CASD1: variants seen among roughly 807,000 people sequenced by gnomAD.
The protein encoded by CASD1 is CAS1 domain sialic acid O acetyltransferase 1, also known as N-acetylneuraminate (7)9-O-acetyltransferase.
In CASD1, 41 loss-of-function variants were observed where a neutral mutation model predicts 100.0. That is an observed-to-expected ratio of 0.41 (90% confidence interval 0.32 to 0.53). The LOEUF is 0.53. CASD1 is among the 20% of genes least tolerant of loss of function. The pLI, the probability that CASD1 is intolerant of heterozygous loss-of-function variation, is 0.25. For missense variants in CASD1, 774 were observed against 948.7 expected (o/e 0.82, Z 2.42); for synonymous variants, 321 against 315.6 (o/e 1.02, Z -0.18).
chr7:94,528,175 A>G lies in CASD1; in HGVS notation c.397-13A>G. ...CTTCAACTTTTTCTTTACTTCTAAC[A>G]TTTCTCTTTTAGGATTTTCTGTGGC... On this transcript the variant is annotated splice_polypyrimidine_tract_variant and intron_variant, in intron 4 of 17. Coordinates refer to ENST00000297273, the MANE Select transcript of CASD1 (RefSeq NM_022900.5). The G allele has an allele frequency of 6.3e-7, 1 of 1,581,268 alleles. No individual in the cohort carries two copies. Among genetic ancestry groups the G allele is most frequent in the Non-Finnish European group, 8.6e-7 (1 of 1,157,314 alleles).
At position 94,533,212 on chromosome 7, in the gene CASD1, T is replaced by C. The variant is rs1219336811; in HGVS notation, c.467T>C (p.Ile156Thr). ...AGATTTGTCTTCCTTTAGGATTCCATTGCAAAGCCACATGTGATTGTAGCA... is the reference window on the plus strand; with the variant it reads ...AGATTTGTCTTCCTTTAGGATTCCACTGCAAAGCCACATGTGATTGTAGCA... ...QCIKVWTEDS[I>T]AKPHVIVAGA... is the part of the protein sequence containing the mutation. Residue 156 changes from isoleucine (I) to threonine (T), a missense_variant, in exon 6 of 18, where the codon ATT becomes ACT. Ile to Thr is a moderately conservative substitution (Grantham distance 89, BLOSUM62 -1). Coordinates refer to ENST00000297273, the MANE Select transcript of CASD1 (RefSeq NM_022900.5). 1.2e-6 allele frequency: 2 copies of C among 1,608,232 alleles called. No homozygotes were observed. The highest frequency in any genetic ancestry group is 3.3e-5 in the Admixed American group (2 of 59,838).
chr7:94,539,668 C>CAAA lies in CASD1; in HGVS notation c.1356+626_1356+628dup, dbSNP rs71120400. Among the ~76,000 whole-genome samples the CAAA allele has an allele frequency of 1.4e-4, 17 of 119,664 alleles. 2 individuals carry two copies. The South Asian group carries it at 1.4e-3, about 10-fold the overall frequency. The allele number at this position is 119,664 out of a possible 152,430, so 78.5% of individuals were successfully genotyped here. A position where few individuals can be genotyped will look rare whatever the true frequency, so the allele number is the denominator to read the frequency against. On this transcript the variant is annotated intron_variant, in intron 10 of 17. Coordinates refer to ENST00000297273, the MANE Select transcript of CASD1 (RefSeq NM_022900.5). ...TGGGTTGCAGAGTGAGACTCCGTCTCAAAAAAAAAAAAAAAAGAAAAAAGG... is the reference window on the plus strand; with the variant it reads ...TGGGTTGCAGAGTGAGACTCCGTCTCAAAAAAAAAAAAAAAAAAAGAAAAAAGG...
chr7:94,628,297 C>T, the CASD1 span: 1 of 1,611,812 alleles, frequency 6.2e-7, no homozygotes, highest in Non-Finnish European at 8.5e-7. Flanking sequence ...CGAAGCCATC[C>T]AGGTCGGTCT....
At chr7:94,603,244 C>T in the CASD1 span, 1 of 1,493,318 alleles carries the variant, frequency 6.7e-7, no homozygotes, top group Admixed American at 1.7e-5. Context: ...TTAACTCCAG[C>T]CACATTATTT....
chr7:94,551,257 T>C (rs1399961369), intron 14 of CASD1, 81 bp from the exon 15 acceptor site: 2 of 1,141,718 alleles, frequency 1.8e-6, no homozygotes, highest in Non-Finnish European at 2.4e-6. Flanking sequence ...CTTTTATTCA[T>C]ATATTCCTCA....
At chr7:94,537,950 T>C in intron 9 of CASD1, 56 bp downstream of exon 9, 2 of 951,000 alleles carry the variant, frequency 2.1e-6, no homozygotes, top group East Asian at 4.9e-5. Context: ...TTACATACTC[T>C]GTGTTAAAGA....
the CASD1 span, among the ~76,000 whole-genome samples, chr7:94,572,134 TTA>T: frequency 6.6e-6 from 1 of 152,164 alleles, no homozygotes; most frequent in Non-Finnish European, 1.5e-5. Flanking sequence ...AAGCTGATGA[TTA>T]TGTGTCTCAG....
chr7:94,537,542 C>T lies in CASD1; in HGVS notation c.914C>T (p.Pro305Leu). The change falls in exon 9 of 18, where the codon CCT (proline) becomes CTT (leucine). Residue 305 changes from proline (P) to leucine (L), a missense_variant. This residue lies in a region of CASD1 where 453 missense variants were observed against 532.6 expected (regional missense o/e 0.85). Transcript: ENST00000297273. The part of the protein sequence containing the change: ...LKPVDGSCCQ[P>L]RPPVTLIQKL... ...CCTGTAGATGGGTCCTGTTGTCAAC[C>T]TCGGCCTCCTGTTACTCTCATACAG... 2 of 1,613,900 alleles carry T rather than the reference C, an allele frequency of 1.2e-6. No individual in the cohort carries two copies. Among genetic ancestry groups the T allele is most frequent in the Non-Finnish European group, 1.7e-6 (2 of 1,179,886 alleles).
chr7:94,534,667 A>C (rs1456155535), intron 7 of CASD1, among the ~76,000 whole-genome samples: 1 of 151,956 alleles, frequency 6.6e-6, no homozygotes, highest in African/African-American at 2.4e-5. Context: ...TTAGCAATTC[A>C]TGTTTTGTGT....
At chr7:94,538,751 T>G (rs1384124735) in intron 9 of CASD1, among the ~76,000 whole-genome samples, 1 of 152,196 alleles carries the variant, frequency 6.6e-6, no homozygotes. Flanking sequence ...CTCTTCAGTT[T>G]ATATTTTTCA....
At chr7:94,512,694 C>A (rs1036297383) in intron 1 of CASD1, among the ~76,000 whole-genome samples, 1 of 152,198 alleles carries the variant, frequency 6.6e-6, no homozygotes. Flanking sequence ...CACTCCTCTC[C>A]ACTATTTTTA....
chr7:94,559,705 T>C (rs1001429696), downstream of CASD1, among the ~76,000 whole-genome samples: 54 of 152,234 alleles, frequency 3.5e-4, no homozygotes, highest in African/African-American at 1.3e-3. Flanking sequence ...TTTATATTTT[T>C]AGTAGAGACG....
intron 7 of CASD1, 123 bp downstream of exon 7, chr7:94,533,925 C>T: frequency 1.1e-6 from 1 of 937,660 alleles, no homozygotes; most frequent in African/African-American, 1.7e-5. Flanking sequence ...ACAAGATTTG[C>T]AAGATTAGAG....
the CASD1 span, chr7:94,587,670 T>G: frequency 6.6e-7 from 1 of 1,523,658 alleles, no homozygotes; most frequent in Non-Finnish European, 8.8e-7. Context: ...TGAACAGTCT[T>G]GTTGAAACAT....
the CASD1 span, among the ~76,000 whole-genome samples, chr7:94,605,381 T>A: frequency 6.6e-6 from 1 of 152,192 alleles, no homozygotes; most frequent in African/African-American, 2.4e-5. Flanking sequence ...AGATAAAACC[T>A]TTTATTTTTC....
chr7:94,542,857 T>C (rs558255764), intron 10 of CASD1, among the ~76,000 whole-genome samples: 2 of 152,322 alleles, frequency 1.3e-5, no homozygotes, highest in South Asian at 2.1e-4. Flanking sequence ...GATTCTAATA[T>C]GTTACACCCT....
At chr7:94,623,482 G>A in the CASD1 span, 7 of 865,110 alleles carry the variant, frequency 8.1e-6, 1 homozygote, top group South Asian at 3.0e-5. Flanking sequence ...AAAACAAATT[G>A]TCATTCTTTC....
At chr7:94,566,248 T>A in the CASD1 span, among the ~76,000 whole-genome samples, 2 of 152,152 alleles carry the variant, frequency 1.3e-5, no homozygotes. Context: ...AATAGAATCA[T>A]GTATATGTGA....
At chr7:94,563,100 G>C in the CASD1 span, among the ~76,000 whole-genome samples, 1 of 152,134 alleles carries the variant, frequency 6.6e-6, no homozygotes, top group Admixed American at 6.6e-5. Flanking sequence ...CTTTAGGGGG[G>C]TTCTGCTCTA....
Sources: gnomAD v4.1 joint callset for allele counts (sites outside exome capture counted in the v4.1 genomes callset) on GRCh38, gnomAD v4.1.1 for gene constraint, gnomAD v4.1.1 regional missense constraint, MANE v1.5 for transcripts, NCBI Gene and HGNC (gene_info 2026-07-23, HGNC 2026-07-21) for gene names.